The following ME3 variants were observed in gnomAD, a reference collection of about 807,000 sequenced individuals.
ME3 encodes the protein malic enzyme 3.
Under a neutral mutation model 68.9 loss-of-function variants are expected in ME3, and 48 were observed. That is an observed-to-expected ratio of 0.70 (90% CI 0.55 to 0.89). The LOEUF (loss-of-function observed/expected upper bound fraction) is 0.89, where lower values mean the gene tolerates loss of function less well. Ranked by LOEUF, ME3 falls within the 40% of genes least tolerant of loss-of-function variation. ME3 has a pLI of 0.00. For synonymous variants in ME3, 320 were observed against 318.8 expected (o/e 1.00, Z -0.04); for missense variants, 675 against 797.4 (o/e 0.85, Z 1.85).
chr11:86,672,037 G>A (rs1946986558), intron 1 of ME3, 79 bp from the exon 2 acceptor site: 2 of 1,175,396 alleles, frequency 1.7e-6, no homozygotes, highest in African/African-American at 3.3e-5. Context: ...CACCGGGCCT[G>A]ATCCGGGGAC....
intron 2 of ME3, among the ~76,000 whole-genome samples, chr11:86,609,712 G>A (rs4245420): frequency 1.3e-5 from 2 of 151,734 alleles, no homozygotes; most frequent in African/African-American, 2.4e-5. Context: ...ACATGTACAA[G>A]AATATTGATT....
intron 2 of ME3, among the ~76,000 whole-genome samples, chr11:86,656,500 A>G (rs1565284030): frequency 6.6e-6 from 1 of 151,778 alleles, no homozygotes; most frequent in East Asian, 1.9e-4. Context: ...TCGCAAGGAC[A>G]AAAAACCAAA....
intron 10 of ME3, among the ~76,000 whole-genome samples, chr11:86,448,818 G>T (rs1949467537): frequency 6.6e-6 from 1 of 152,218 alleles, no homozygotes; most frequent in African/African-American, 2.4e-5. Flanking sequence ...ATAAGTGCTG[G>T]TAAATGGGTT....
chr11:86,556,082 A>G (rs1956910443), intron 4 of ME3, among the ~76,000 whole-genome samples: 1 of 152,224 alleles, frequency 6.6e-6, no homozygotes, highest in Admixed American at 6.5e-5. Context: ...TTGTCTAATA[A>G]AATGACATTT....
intron 7 of ME3, among the ~76,000 whole-genome samples, chr11:86,472,905 A>C (rs1287720879): frequency 6.6e-6 from 1 of 152,196 alleles, no homozygotes; most frequent in East Asian, 1.9e-4. Context: ...AAGAAAGGCA[A>C]ACTTACTTGA....
chr11:86,473,865 C>T (rs1180145249), intron 7 of ME3, among the ~76,000 whole-genome samples: 1 of 152,174 alleles, frequency 6.6e-6, no homozygotes, highest in Non-Finnish European at 1.5e-5. Context: ...TGATTATCTT[C>T]AATCATAGGA....
intron 2 of ME3, among the ~76,000 whole-genome samples, chr11:86,669,480 T>C (rs1946783207): frequency 6.6e-6 from 1 of 152,092 alleles, no homozygotes; most frequent in African/African-American, 2.4e-5. Flanking sequence ...CTTACAATCA[T>C]GGCGAAGGCA....
At chr11:86,454,196 G>C (rs1949793656) in intron 8 of ME3, among the ~76,000 whole-genome samples, 1 of 152,172 alleles carries the variant, frequency 6.6e-6, no homozygotes, top group Non-Finnish European at 1.5e-5. Flanking sequence ...AAAGTAAAAT[G>C]TTCCAATATA....
intron 7 of ME3, among the ~76,000 whole-genome samples, chr11:86,477,704 C>T (rs75331509): frequency 0.044 from 6,681 of 151,936 alleles, 353 homozygotes; most frequent in African/African-American, 0.13. Flanking sequence ...GAGTTTCTTC[C>T]AGCACATTTT....
intron 2 of ME3, among the ~76,000 whole-genome samples, chr11:86,604,940 TC>T (rs1344530392): frequency 1.3e-5 from 2 of 152,334 alleles, no homozygotes; most frequent in Admixed American, 6.5e-5. Context: ...ACCACCTCTA[TC>T]TAGTTCCAAA....
chr11:86,607,036 T>C (rs541971090), intron 2 of ME3, among the ~76,000 whole-genome samples: 9 of 152,312 alleles, frequency 5.9e-5, no homozygotes, highest in Non-Finnish European at 1.2e-4. Flanking sequence ...CATTGACACA[T>C]TGTGGGTTTT....
chr11:86,604,136 A>G (rs557469909), intron 2 of ME3, among the ~76,000 whole-genome samples: 1 of 151,976 alleles, frequency 6.6e-6, no homozygotes, highest in Non-Finnish European at 1.5e-5. Context: ...GTCAATAGAT[A>G]GGAGTGTCTG....
In ME3 at chr11:86,667,820, G is replaced by C. The variant is rs565861922; in HGVS notation, c.183+3942C>G. On this transcript the variant is annotated intron_variant, in intron 2 of 14. Transcript: ENST00000543262. ...AACATGTTGCTACAGTTATAGAATG[G>C]GGATGGCATCTTCCTATGAAGGTAA... 2.6e-5 allele frequency: 4 copies of C among 152,260 alleles called. No individual in the cohort carries two copies. In the South Asian group the frequency reaches 8.3e-4, roughly 32 times the overall value. The allele number at this position is 152,260 out of a possible 1,614,324, so 9.4% of individuals were successfully genotyped here. A position where few individuals can be genotyped will look rare whatever the true frequency, so the allele number is the denominator to read the frequency against.
chr11:86,576,373 G>A (rs1020006433), intron 2 of ME3, among the ~76,000 whole-genome samples: 1 of 152,148 alleles, frequency 6.6e-6, no homozygotes, highest in African/African-American at 2.4e-5. Context: ...AACCTTTGGA[G>A]GCGAGAGGAG....
Position 86,615,046 on chromosome 11 carries a change from G to T in ME3, c.184-55223C>A, listed in dbSNP as rs960939172. ...TCGTTTTTTTAAAAAATATCACGGA[G>T]TATGAAAAACCAAGAGCTATAGCCT... On this transcript the variant is annotated intron_variant, in intron 2 of 14. Coordinates refer to ENST00000543262, the Ensembl canonical transcript of ME3. 2.0e-5 allele frequency among the ~76,000 whole-genome samples: 3 copies of T among 152,158 alleles called. No individual in the cohort carries two copies. The East Asian group carries it at 5.8e-4, about 29-fold the overall frequency.
At chr11:86,586,721 A>T (rs1958758457) in intron 2 of ME3, among the ~76,000 whole-genome samples, 1 of 152,178 alleles carries the variant, frequency 6.6e-6, no homozygotes, top group Non-Finnish European at 1.5e-5. Flanking sequence ...CTGTTTTTTT[A>T]AATAAAAGGA....
intron 2 of ME3, among the ~76,000 whole-genome samples, chr11:86,579,402 A>G (rs1402622345): frequency 1.3e-5 from 2 of 152,070 alleles, no homozygotes; most frequent in Non-Finnish European, 2.9e-5. Flanking sequence ...CTCTGCTCCA[A>G]CTGGCCATGT....
intron 2 of ME3, among the ~76,000 whole-genome samples, chr11:86,560,742 GTGTGTGTATATATA>G (rs1957176884): frequency 1.7e-5 from 1 of 58,330 alleles, no homozygotes; most frequent in African/African-American, 5.6e-5. Context: ...GTGTGTGTGT[GTGTGTGTATATATA>G]TATATATATA....
At chr11:86,650,113 T>C (rs1458070974) in intron 2 of ME3, among the ~76,000 whole-genome samples, 2 of 152,116 alleles carry the variant, frequency 1.3e-5, no homozygotes, top group East Asian at 1.9e-4. Flanking sequence ...AACAGATATA[T>C]AGACTAATGG....
Sources: gnomAD v4.1 joint callset for allele counts (sites outside exome capture counted in the v4.1 genomes callset) on GRCh38, gnomAD v4.1.1 for gene constraint, MANE v1.5 for transcripts, NCBI Gene and HGNC (gene_info 2026-07-23, HGNC 2026-07-21) for gene names.